The following ARB2A variants were observed in gnomAD, a reference collection of about 807,000 sequenced individuals.
The protein encoded by ARB2A is ARB2 cotranscriptional regulator A.
chr5:93,891,611 A>G, the ARB2A span, among the ~76,000 whole-genome samples: 1 of 152,088 alleles, frequency 6.6e-6, no homozygotes, highest in Non-Finnish European at 1.5e-5. Flanking sequence ...TTGCTGGAAC[A>G]TTAAGGAGTT....
chr5:93,713,472 T>C, the ARB2A span, among the ~76,000 whole-genome samples: 1 of 152,100 alleles, frequency 6.6e-6, no homozygotes, highest in Admixed American at 6.5e-5. Flanking sequence ...ATATCACTAA[T>C]CATCAGATAA....
At chr5:93,969,018 C>CTT in the ARB2A span, among the ~76,000 whole-genome samples, 42 of 113,192 alleles carry the variant, frequency 3.7e-4, no homozygotes, top group African/African-American at 7.6e-4. Context: ...GAATTTTTTT[C>CTT]TTTTTTTTTT....
the ARB2A span, among the ~76,000 whole-genome samples, chr5:93,741,896 G>A: frequency 2.2e-5 from 1 of 46,182 alleles, no homozygotes; most frequent in East Asian, 6.2e-4. Context: ...TCTTATGCCT[G>A]TTCAGAAACT....
chr5:93,761,190 G>C, the ARB2A span, among the ~76,000 whole-genome samples: 1 of 152,152 alleles, frequency 6.6e-6, no homozygotes. Flanking sequence ...AGCTCACTGG[G>C]GAGTGTCAGA....
the ARB2A span, among the ~76,000 whole-genome samples, chr5:93,671,758 T>C: frequency 3.9e-5 from 6 of 152,210 alleles, no homozygotes; most frequent in Non-Finnish European, 8.8e-5. Context: ...TACTGACTCA[T>C]TTTTAAGATT....
chr5:93,909,956 C>G, the ARB2A span, among the ~76,000 whole-genome samples: 1 of 150,704 alleles, frequency 6.6e-6, no homozygotes, highest in African/African-American at 2.4e-5. Context: ...TGCACATAAA[C>G]AGAATAAGTA....
chr5:94,021,906 T>C, the ARB2A span, among the ~76,000 whole-genome samples: 1 of 152,048 alleles, frequency 6.6e-6, no homozygotes, highest in Admixed American at 6.6e-5. Flanking sequence ...CCATCTCTAC[T>C]AAAAATACAA....
the ARB2A span, among the ~76,000 whole-genome samples, chr5:93,809,852 C>T: frequency 6.6e-6 from 1 of 151,884 alleles, no homozygotes; most frequent in Non-Finnish European, 1.5e-5. Flanking sequence ...TATGGTTTCA[C>T]GTCTTGTTAA....
chr5:93,714,769 ACTC>A, the ARB2A span, among the ~76,000 whole-genome samples: 1 of 152,046 alleles, frequency 6.6e-6, no homozygotes, highest in Non-Finnish European at 1.5e-5. Context: ...GTCACCTGCA[ACTC>A]TTACACAGGA....
At chr5:93,981,358 C>T in the ARB2A span, among the ~76,000 whole-genome samples, 1 of 151,994 alleles carries the variant, frequency 6.6e-6, no homozygotes, top group Non-Finnish European at 1.5e-5. Flanking sequence ...CATGAGCCAC[C>T]ATGCCCAGTC....
the ARB2A span, among the ~76,000 whole-genome samples, chr5:93,780,764 T>G: frequency 6.6e-6 from 1 of 151,854 alleles, no homozygotes; most frequent in Admixed American, 6.6e-5. Flanking sequence ...TTCACCATGT[T>G]GTCCAGGCTG....
the ARB2A span, among the ~76,000 whole-genome samples, chr5:93,916,501 AT>A: frequency 1.3e-5 from 2 of 152,278 alleles, no homozygotes; most frequent in African/African-American, 4.8e-5. Flanking sequence ...AACTGATGGC[AT>A]TTATGCTTTA....
chr5:94,012,576 A>T, the ARB2A span, among the ~76,000 whole-genome samples: 1 of 152,190 alleles, frequency 6.6e-6, no homozygotes, highest in Non-Finnish European at 1.5e-5. Context: ...CACTGTGCTG[A>T]CCAAAGCCAT....
the ARB2A span, among the ~76,000 whole-genome samples, chr5:94,037,113 G>A: frequency 6.6e-6 from 1 of 152,054 alleles, no homozygotes; most frequent in African/African-American, 2.4e-5. Context: ...TCTGCGCTTT[G>A]CATTCTGTTC....
At chr5:93,742,766 T>C in the ARB2A span, among the ~76,000 whole-genome samples, 14 of 152,240 alleles carry the variant, frequency 9.2e-5, no homozygotes, top group African/African-American at 3.1e-4. Context: ...GTGACAACTC[T>C]TCTTGCTCCT....
chr5:93,908,210 G>A, the ARB2A span, among the ~76,000 whole-genome samples: 1 of 150,622 alleles, frequency 6.6e-6, no homozygotes, highest in African/African-American at 2.4e-5. Context: ...AGAAAATTAG[G>A]CTATTATCTA....
At chr5:93,729,584 A>C in the ARB2A span, among the ~76,000 whole-genome samples, 4 of 152,134 alleles carry the variant, frequency 2.6e-5, no homozygotes, top group African/African-American at 9.6e-5. Context: ...CAAATAATAT[A>C]CTTAAAATAT....
At chr5:94,085,589 T>C in the ARB2A span, among the ~76,000 whole-genome samples, 1 of 152,210 alleles carries the variant, frequency 6.6e-6, no homozygotes, top group Non-Finnish European at 1.5e-5. Context: ...TGAAGAAGTC[T>C]CACCATCATT....
the ARB2A span, among the ~76,000 whole-genome samples, chr5:94,005,242 C>T: frequency 2.0e-5 from 3 of 152,056 alleles, no homozygotes; most frequent in Non-Finnish European, 4.4e-5. Context: ...CTCCCTCCAT[C>T]GCCCAGGCTG....
Sources: allele counts gnomAD v4.1 joint callset (sites outside exome capture counted in the v4.1 genomes callset), GRCh38; gene constraint gnomAD v4.1.1; transcripts MANE v1.5; gene names NCBI Gene and HGNC (gene_info 2026-07-23, HGNC 2026-07-21).